TIAM1: variants seen among roughly 807,000 people sequenced by gnomAD.
TIAM1 encodes the protein TIAM Rac1 associated GEF 1.
Under a neutral mutation model 163.5 loss-of-function variants are expected in TIAM1, and 65 were observed. That is an observed-to-expected ratio of 0.40 (90% CI 0.33 to 0.49). The LOEUF (loss-of-function observed/expected upper bound fraction) is 0.49. Ranked by LOEUF, TIAM1 falls within the 20% of genes least tolerant of loss-of-function variation. The pLI, the probability that TIAM1 is intolerant of heterozygous loss-of-function variation, is 0.77. For synonymous variants in TIAM1, 833 were observed against 810.1 expected (o/e 1.03, Z -0.48); for missense variants, 1,789 against 2,044.7 (o/e 0.87, Z 2.41).
chr21:31,513,986 A>T (rs2047298584), intron 1 of TIAM1, among the ~76,000 whole-genome samples: 1 of 152,160 alleles, frequency 6.6e-6, no homozygotes, highest in Non-Finnish European at 1.5e-5. Context: ...CAGCCTGAGC[A>T]ACAAGAGCGA....
chr21:31,263,411 A>G (rs1460267715), intron 4 of TIAM1, among the ~76,000 whole-genome samples: 3 of 152,212 alleles, frequency 2.0e-5, no homozygotes, highest in Admixed American at 1.3e-4. Context: ...AAGCTGCCTA[A>G]GCAGTGATTT....
chr21:31,420,169 A>G (rs781186555), intron 2 of TIAM1, among the ~76,000 whole-genome samples: 27 of 152,232 alleles, frequency 1.8e-4, no homozygotes, highest in Non-Finnish European at 2.6e-4. Context: ...CTACCTGAGA[A>G]CCTAGCAAAT....
At chr21:31,446,152 G>A (rs923926923) in intron 2 of TIAM1, among the ~76,000 whole-genome samples, 19 of 152,028 alleles carry the variant, frequency 1.2e-4, no homozygotes, top group Non-Finnish European at 2.2e-4. Context: ...TGTTGGCCAG[G>A]CTGGTCTTGA....
intron 4 of TIAM1, among the ~76,000 whole-genome samples, chr21:31,252,947 C>T (rs1024006480): frequency 6.6e-6 from 1 of 152,250 alleles, no homozygotes; most frequent in African/African-American, 2.4e-5. Context: ...CTTGCTGCCC[C>T]AGGGCCAAAT....
At chr21:31,313,663 C>T (rs2075010149) in intron 2 of TIAM1, among the ~76,000 whole-genome samples, 1 of 152,204 alleles carries the variant, frequency 6.6e-6, no homozygotes, top group South Asian at 2.1e-4. Flanking sequence ...CAACCTCCAC[C>T]TCCCAGGTTC....
intron 1 of TIAM1, among the ~76,000 whole-genome samples, chr21:31,520,046 A>G (rs2047526973): frequency 6.6e-6 from 1 of 152,140 alleles, no homozygotes; most frequent in African/African-American, 2.4e-5. Context: ...AAATGGTTAA[A>G]ATGGGCCGGG....
intron 1 of TIAM1, among the ~76,000 whole-genome samples, chr21:31,529,157 G>C (rs2047893426): frequency 6.6e-6 from 1 of 151,760 alleles, no homozygotes; most frequent in Non-Finnish European, 1.5e-5. Context: ...CTGACCTCCT[G>C]ATCTGCCCAC....
At chr21:31,236,068 C>A (rs937761874) in intron 6 of TIAM1, among the ~76,000 whole-genome samples, 2 of 152,200 alleles carry the variant, frequency 1.3e-5, no homozygotes, top group African/African-American at 2.4e-5. Flanking sequence ...GGAGGTTTCT[C>A]CCCTTCAGGG....
intron 2 of TIAM1, among the ~76,000 whole-genome samples, chr21:31,403,210 C>T (rs2077193994): frequency 6.6e-6 from 1 of 152,114 alleles, no homozygotes; most frequent in Non-Finnish European, 1.5e-5. Flanking sequence ...TGCAGTGGCA[C>T]AGTCTTGGCT....
chr21:31,186,000 G>A (rs1367476577), intron 14 of TIAM1, among the ~76,000 whole-genome samples: 1 of 152,214 alleles, frequency 6.6e-6, no homozygotes, highest in Non-Finnish European at 1.5e-5. Context: ...TAAACGGCGA[G>A]AGGATAAATT....
At chr21:31,278,073 A>T (rs2073382536) in intron 2 of TIAM1, among the ~76,000 whole-genome samples, 1 of 152,226 alleles carries the variant, frequency 6.6e-6, no homozygotes. Flanking sequence ...CAATCTTCAG[A>T]GTCTCAAGAA....
chr21:31,470,623 A>G (rs1199545497), intron 1 of TIAM1, among the ~76,000 whole-genome samples: 1 of 152,122 alleles, frequency 6.6e-6, no homozygotes, highest in African/African-American at 2.4e-5. Flanking sequence ...GTGAGCCACC[A>G]CACCTGGCTA....
At chr21:31,487,616 G>A (rs1216493786) in intron 1 of TIAM1, among the ~76,000 whole-genome samples, 3 of 148,078 alleles carry the variant, frequency 2.0e-5, no homozygotes, top group East Asian at 3.9e-4. Context: ...GGACTGCAGT[G>A]GCGCAATCTC....
In TIAM1 at chr21:31,118,584, C is replaced by G; in HGVS notation, c.*1784G>C. On this transcript the variant is annotated 3_prime_UTR_variant, in exon 28 of 28. Coordinates refer to ENST00000541036, the MANE Select transcript of TIAM1 (RefSeq NM_001353694.2). ...AAGAGACAATGGCACCCTCTCCAAG[C>G]ACCAGACTTCCGAGTGTTTTCAGAT... The G allele has an allele frequency of 2.1e-6, 1 of 471,802 alleles. No homozygotes were observed. The allele number at this position is 471,802 out of a possible 1,614,324, so 29.2% of individuals were successfully genotyped here. A position where few individuals can be genotyped will look rare whatever the true frequency, so the allele number is the denominator to read the frequency against.
At chr21:31,555,104 T>G (rs1474444312) in intron 1 of TIAM1, among the ~76,000 whole-genome samples, 3 of 152,136 alleles carry the variant, frequency 2.0e-5, no homozygotes, top group African/African-American at 7.2e-5. Flanking sequence ...CCTTGCTGAG[T>G]ACTGCTTTAT....
chr21:31,122,913 T>C (rs78930007), intron 27 of TIAM1, among the ~76,000 whole-genome samples: 2,127 of 152,304 alleles, frequency 0.014, 47 homozygotes, highest in African/African-American at 0.048. Context: ...GCTGTGCTGA[T>C]CTACTCAGGC....
At chr21:31,501,974 C>T (rs1304987724) in intron 1 of TIAM1, among the ~76,000 whole-genome samples, 1 of 152,208 alleles carries the variant, frequency 6.6e-6, no homozygotes, top group Non-Finnish European at 1.5e-5. Flanking sequence ...CTGAATGCCC[C>T]ATCCGCAGCC....
intron 1 of TIAM1, among the ~76,000 whole-genome samples, chr21:31,551,635 C>T (rs1281501071): frequency 6.6e-6 from 1 of 151,110 alleles, no homozygotes; most frequent in Non-Finnish European, 1.5e-5. Context: ...CCCAGCTACT[C>T]CAAAGGCTGA....
At chr21:31,502,666 A>T (rs961502470) in intron 1 of TIAM1, among the ~76,000 whole-genome samples, 24 of 152,202 alleles carry the variant, frequency 1.6e-4, no homozygotes, top group African/African-American at 5.3e-4. Context: ...CTTAAGATGT[A>T]TTATGCCTAG....
Sources: gnomAD v4.1 joint callset for allele counts (sites outside exome capture counted in the v4.1 genomes callset) on GRCh38, gnomAD v4.1.1 for gene constraint, MANE v1.5 for transcripts, NCBI Gene and HGNC (gene_info 2026-07-23, HGNC 2026-07-21) for gene names.